Variants in NBPF26 observed in about 807,000 individuals in gnomAD.
NBPF26 encodes the protein NBPF member 26.
In NBPF26, 79 loss-of-function variants were observed where a neutral mutation model predicts 119.6. The ratio of observed to expected loss-of-function variants is 0.66; its 90% CI spans 0.55 to 0.80. The LOEUF is 0.80. NBPF26 is among the 30% of genes least tolerant of loss of function. The probability of loss-of-function intolerance (pLI) is 0.00; values close to 1 mark genes in which losing one functional copy is unlikely to be tolerated. For synonymous variants in NBPF26, 299 were observed against 457.7 expected, an observed-to-expected ratio of 0.65 and a Z score of 4.43; for missense variants, 800 against 1,198.2, an observed-to-expected ratio of 0.67 and a Z score of 4.91.
rs1471211084 is a variant in NBPF26, at chr1:120,768,593, G to A, written c.155+4884G>A. Among the ~76,000 whole-genome samples the A allele has an allele frequency of 1.3e-4, 14 of 108,958 alleles. 4 individuals are homozygous for A. The East Asian group carries it at 2.2e-3, about 17-fold the overall frequency. The allele number at this position is 108,958 out of a possible 152,430, so 71.5% of individuals were successfully genotyped here. A position where few individuals can be genotyped will look rare whatever the true frequency, so the allele number is the denominator to read the frequency against. ...TTCCTCTTCTGCTGCATGAACTGGG[G>A]TGTACCTTCACGATAAAAAAAAAAA... is the stretch of plus-strand genomic sequence containing the variant. On this transcript the variant is annotated intron_variant, in intron 2 of 29. Transcript: ENST00000620612.
At position 120,840,381 on chromosome 1, in the gene NBPF26, C is replaced by G. The variant is rs1553273433; in HGVS notation, c.4135C>G (p.Pro1379Ala). Reference sequence around the variant, plus strand: ...CAGCATGCTGATGGAAGTGGAAGAGCCTGAAGTCTTGCAGGACTCACTGGA... The same window carrying G: ...CAGCATGCTGATGGAAGTGGAAGAGGCTGAAGTCTTGCAGGACTCACTGGA... Residue 1379 changes from proline (P) to alanine (A), a missense_variant, in exon 30 of 30, where the codon CCT (proline) becomes GCT (alanine). Physicochemically the swap from Pro to Ala is conservative, Grantham distance 27. Around this residue, in one of 13 missense-constraint regions of NBPF26, gnomAD observed 155 missense variants for 95.9 expected, o/e 1.62. Coordinates refer to ENST00000620612, the Ensembl canonical transcript of NBPF26. 70 of 1,460,928 alleles carry G rather than the reference C, an allele frequency of 4.8e-5. 10 individuals carry two copies. In the East Asian group the frequency reaches 1.4e-3, roughly 30 times the overall value. The allele number at this position is 1,460,928 out of a possible 1,614,324, so 90.5% of individuals were successfully genotyped here.
rs1412821138 is a variant in NBPF26 at position 120,815,290 on chromosome 1, TC to T, written c.2092+248del. Among the ~76,000 whole-genome samples, 4 of 116,516 alleles carry T rather than the reference TC, an allele frequency of 3.4e-5. 2 individuals are homozygous for T. The highest frequency in any genetic ancestry group is 2.0e-4 in the African/African-American group (4 of 19,634). 76.4% of individuals were successfully genotyped at this position (116,516 alleles called of 152,430 possible). ...TCTTTGGAGCAAGAGGCAGCATCTA[TC>T]TAGTTTTAAAGGACAGGAAGGAGGC... On this transcript the variant is annotated intron_variant, in intron 12 of 29. Coordinates refer to ENST00000620612, the Ensembl canonical transcript of NBPF26.
At chr1:120,782,307 AAAGTT>A (rs1651373819) in intron 2 of NBPF26, among the ~76,000 whole-genome samples, 1 of 110,664 alleles carries the variant, frequency 9.0e-6, no homozygotes, top group East Asian at 2.2e-4. Context: ...TGTTCTTTTC[AAAGTT>A]AAGACATAAT....
chr1:120,816,527 T>G, intron 13 of NBPF26, 95 bp from the exon 14 acceptor site: 1 of 574,632 alleles, frequency 1.7e-6, no homozygotes, highest in Non-Finnish European at 2.8e-6. Context: ...GGGACCACTC[T>G]CTTAATGCCG....
At chr1:120,840,637 C>A (rs1652498498), downstream of NBPF26, 29 of 1,450,392 alleles carry the variant, frequency 2.0e-5, 7 homozygotes, top group South Asian at 3.3e-4. Flanking sequence ...GCAGGCAGGA[C>A]CTATAGGCAC....
chr1:120,818,710 A>C lies in NBPF26; in HGVS notation c.2423+536A>C, dbSNP rs1266979704. ...TTTGTTCTCATTGGTTTCAAAGAAC[A>C]TCTTTATTTCTGCCTTCATTTTGTT... On this transcript the variant is annotated intron_variant, in intron 15 of 29. Coordinates refer to ENST00000620612, the Ensembl canonical transcript of NBPF26. Among the ~76,000 whole-genome samples, 8 of 123,340 alleles carry C rather than the reference A, an allele frequency of 6.5e-5. 2 individuals are homozygous for C. Among genetic ancestry groups the C allele is most frequent in the African/African-American group, 2.7e-4 (7 of 25,944 alleles). The allele number at this position is 123,340 out of a possible 152,430, so 80.9% of individuals were successfully genotyped here.
At chr1:120,779,703 G>A (rs1297127639) in intron 2 of NBPF26, among the ~76,000 whole-genome samples, 1 of 122,040 alleles carries the variant, frequency 8.2e-6, no homozygotes, top group Non-Finnish European at 1.7e-5. Flanking sequence ...AGGGGTGTTG[G>A]GTGTTTAGCC....
chr1:120,784,703 A>G (rs1651402081), intron 2 of NBPF26, among the ~76,000 whole-genome samples: 2 of 116,840 alleles, frequency 1.7e-5, no homozygotes, highest in African/African-American at 1.0e-4. Flanking sequence ...TGCATCTTTT[A>G]CTTAGTAATT....
chr1:120,811,947 C>T lies in NBPF26; in HGVS notation c.1626C>T (p.Ser542=), dbSNP rs1553271034. ...TGGTGGTATCAGCCGGCCCTTTGTC[C>T]GGCGAGAAGGCAGCGATAAACATTC... The change falls in exon 10 of 30, where the codon TCC becomes TCT. Residue 542 remains serine (S), a synonymous_variant. Transcript: ENST00000620612. The T allele has an allele frequency of 3.5e-4, 424 of 1,217,336 alleles. 103 individuals are homozygous for T. In the South Asian group the frequency reaches 4.5e-3, roughly 13 times the overall value. 75.4% of individuals were successfully genotyped at this position (1,217,336 alleles called of 1,614,324 possible).
rs1237376806 is a variant in NBPF26 at position 120,822,118 on chromosome 1, C to T, written c.2438C>T (p.Ser813Phe). ...TGGCTCATCAGGAATCTGCAGGAGT[C>T]TGAAGAGGAGGAAGTCCCCCAGGAG... The change falls in exon 16 of 30, where the codon TCT becomes TTT. Residue 813 changes from serine (S) to phenylalanine (F), a missense_variant. Ser to Phe is a radical substitution (Grantham distance 155). Coordinates refer to ENST00000620612, the Ensembl canonical transcript of NBPF26. 5.6e-6 allele frequency: 8 copies of T among 1,437,820 alleles called. 1 individual carries two copies. Among genetic ancestry groups the T allele is most frequent in the Non-Finnish European group, 7.4e-6 (8 of 1,076,822 alleles). The allele number at this position is 1,437,820 out of a possible 1,614,324, so 89.1% of individuals were successfully genotyped here.
rs1438549759 is a variant in NBPF26 at position 120,793,216 on chromosome 1, T to C, written c.471T>C (p.Ser157=). 37 of 1,442,024 alleles carry C rather than the reference T, an allele frequency of 2.6e-5. 10 individuals carry two copies. The South Asian group carries it at 4.5e-4, about 17-fold the overall frequency. 89.3% of individuals were successfully genotyped at this position (1,442,024 alleles called of 1,614,324 possible). ...TGTCTCATCTCTGTGCAAATGGAAGTACCTGTACCACTGTGGCCAACCAGT... is the reference window on the plus strand; with the variant it reads ...TGTCTCATCTCTGTGCAAATGGAAGCACCTGTACCACTGTGGCCAACCAGT... The change falls in exon 4 of 30, where the codon AGT becomes AGC. Residue 157 remains serine (S), a synonymous_variant. Coordinates refer to ENST00000620612, the Ensembl canonical transcript of NBPF26.
In NBPF26 at chr1:120,805,653, C is replaced by T. The variant is rs1553269738; in HGVS notation, c.849C>T (p.Asn283=). Residue 283 remains asparagine, a synonymous_variant, in exon 5 of 30, where the codon AAC becomes AAT. Coordinates refer to ENST00000620612, the Ensembl canonical transcript of NBPF26. ...CAGAGATGAACATTCTAGAAATCAA[C>T]GAGACATTGCGCCCCCAGCTGCCAG... is the stretch of plus-strand genomic sequence containing the variant. 478 of 1,459,122 alleles carry T rather than the reference C, an allele frequency of 3.3e-4. 138 individuals are homozygous for T. In the African/African-American group the frequency reaches 7.0e-3, roughly 21 times the overall value. 90.4% of individuals were successfully genotyped at this position (1,459,122 alleles called of 1,614,324 possible). A position where few individuals can be genotyped will look rare whatever the true frequency, so the allele number is the denominator to read the frequency against.
rs1651812715 is a variant in NBPF26 at position 120,809,800 on chromosome 1, TG to T, written c.1280-10del. ...GTGGGAAATATCTGAACGAACATTT[TG>T]TATTTATAGAAAATGACGAAGATGA... On this transcript the variant is annotated splice_polypyrimidine_tract_variant and intron_variant, in intron 7 of 29. Transcript: ENST00000620612. 78 of 1,527,868 alleles carry T rather than the reference TG, an allele frequency of 5.1e-5. 1 individual carries two copies. The South Asian group carries it at 8.2e-4, about 16-fold the overall frequency. The allele number at this position is 1,527,868 out of a possible 1,614,324, so 94.6% of individuals were successfully genotyped here.
In NBPF26 at chr1:120,840,250, T is replaced by G. The variant is rs1487647702; in HGVS notation, c.4104-100T>G. The G allele has an allele frequency of 4.9e-6, 7 of 1,424,936 alleles. 2 individuals carry two copies. The highest frequency in any genetic ancestry group is 6.5e-6 in the Non-Finnish European group (7 of 1,072,712). The allele number at this position is 1,424,936 out of a possible 1,614,324, so 88.3% of individuals were successfully genotyped here. A position where few individuals can be genotyped will look rare whatever the true frequency, so the allele number is the denominator to read the frequency against. ...ACCTCATTAATGGATCTATCCTTTT[T>G]CTTTTCTAACCACTTCCTTATGTTA... On this transcript the variant is annotated intron_variant, in intron 29 of 29. Coordinates refer to ENST00000620612, the Ensembl canonical transcript of NBPF26.
At chr1:120,840,635 G>A (rs1553273609), downstream of NBPF26, 18 of 1,451,608 alleles carry the variant, frequency 1.2e-5, 5 homozygotes, top group Admixed American at 1.9e-5. Flanking sequence ...CTGCAGGCAG[G>A]ACCTATAGGC....
chr1:120,770,569 C>A (rs1354643205), intron 2 of NBPF26, among the ~76,000 whole-genome samples: 1 of 118,516 alleles, frequency 8.4e-6, no homozygotes, highest in Admixed American at 8.0e-5. Flanking sequence ...TGCTAGCTAA[C>A]ATTATTGCAT....
chr1:120,812,118 C>T, intron 10 of NBPF26, 23 bp downstream of exon 10: 1 of 1,143,468 alleles, frequency 8.7e-7, no homozygotes. Context: ...GGCTCACCAT[C>T]ACGAAAGTGA....
At chr1:120,763,660 G>C in exon 2 of NBPF26, 1 of 1,414,438 alleles carries the variant, frequency 7.1e-7, no homozygotes, top group South Asian at 1.2e-5. Flanking sequence ...TGAACCCTGT[G>C]TAAATAAAGG....
chr1:120,763,615 T>C lies in NBPF26; in HGVS notation c.74-13T>C, dbSNP rs1299838527. 144 of 1,282,514 alleles carry C rather than the reference T, an allele frequency of 1.1e-4. 19 individuals carry two copies. Among genetic ancestry groups the C allele is most frequent in the Admixed American group, 2.6e-4 (13 of 49,386 alleles). 79.4% of individuals were successfully genotyped at this position (1,282,514 alleles called of 1,614,324 possible). A position where few individuals can be genotyped will look rare whatever the true frequency, so the allele number is the denominator to read the frequency against. ...GTGACTTACTTCTAATGTGCATTTG[T>C]TTTTATTTTTAGCATTGCAGTGTCG... On this transcript the variant is annotated splice_polypyrimidine_tract_variant and intron_variant, in intron 1 of 29. Coordinates refer to ENST00000620612, the Ensembl canonical transcript of NBPF26.
Sources: gnomAD v4.1 joint callset for allele counts (sites outside exome capture counted in the v4.1 genomes callset) on GRCh38, gnomAD v4.1.1 for gene constraint, gnomAD v4.1.1 regional missense constraint, MANE v1.5 for transcripts, NCBI Gene and HGNC (gene_info 2026-07-23, HGNC 2026-07-21) for gene names.